The following KAT6A variants were observed in gnomAD, a reference collection of about 807,000 sequenced individuals.
KAT6A encodes the protein lysine acetyltransferase 6A.
Under a neutral mutation model 198.4 loss-of-function variants are expected in KAT6A, and 9 were observed. That is an observed-to-expected ratio of 0.05 (90% CI 0.03 to 0.08). The LOEUF (loss-of-function observed/expected upper bound fraction) is 0.08, where lower values mean the gene tolerates loss of function less well. KAT6A is among the 10% of genes least tolerant of loss of function. The pLI, the probability that KAT6A is intolerant of heterozygous loss-of-function variation, is 1.00. For missense variants in KAT6A, 2,077 were observed against 2,509.9 expected, an observed-to-expected ratio of 0.83 and a Z score of 3.69; for synonymous variants, 890 against 883.0, an observed-to-expected ratio of 1.01 and a Z score of -0.14.
At chr8:42,037,614 T>C (rs1047774100) in intron 2 of KAT6A, among the ~76,000 whole-genome samples, 3 of 151,684 alleles carry the variant, frequency 2.0e-5, no homozygotes, top group African/African-American at 2.4e-5. Context: ...ACAACACCTC[T>C]AGATCTGCGG....
At chr8:42,050,702 T>C (rs1032746347) in intron 1 of KAT6A, among the ~76,000 whole-genome samples, 1 of 152,192 alleles carries the variant, frequency 6.6e-6, no homozygotes, top group Admixed American at 6.5e-5. Context: ...AAGCTCATTA[T>C]ACAGATATTA....
intron 8 of KAT6A, among the ~76,000 whole-genome samples, chr8:41,967,001 G>A (rs929540955): frequency 6.6e-6 from 1 of 152,080 alleles, no homozygotes; most frequent in African/African-American, 2.4e-5. Context: ...TAAAGTTGTT[G>A]AAACTAGCTT....
At position 41,941,347 on chromosome 8, in the gene KAT6A, C is replaced by A; in HGVS notation, c.2534G>T (p.Arg845Leu). 1 of 1,612,992 alleles carries A rather than the reference C, an allele frequency of 6.2e-7. No individual in the cohort carries two copies. Among genetic ancestry groups the A allele is most frequent in the Non-Finnish European group, 8.5e-7 (1 of 1,180,008 alleles). Residue 845 changes from arginine to leucine, a missense_variant, in exon 15 of 17, where the codon CGT becomes CTT. Arg to Leu is a moderately radical substitution (Grantham distance 102). Transcript: ENST00000265713. The stretch of plus-strand genomic sequence containing the variant: ...ATGAGGAAGGACTTGTTTGCTCAAA[C>A]GTGTAGAACTGACTGGAGCCATAAC... ...PEVMAPVSST[R>L]LSKQVLPHDS...
intron 8 of KAT6A, among the ~76,000 whole-genome samples, chr8:41,970,048 T>G (rs1475900771): frequency 6.6e-6 from 1 of 152,228 alleles, no homozygotes; most frequent in Non-Finnish European, 1.5e-5. Flanking sequence ...GCATTCTCAT[T>G]TCCTTCCGAC....
intron 2 of KAT6A, among the ~76,000 whole-genome samples, chr8:42,006,048 C>CA (rs1368911454): frequency 1.3e-5 from 2 of 152,118 alleles, no homozygotes; most frequent in Admixed American, 6.5e-5. Context: ...CAGAAATAAA[C>CA]AAAGTTTCTG....
At chr8:42,010,906 C>A (rs899223774) in intron 2 of KAT6A, among the ~76,000 whole-genome samples, 1 of 152,108 alleles carries the variant, frequency 6.6e-6, no homozygotes, top group African/African-American at 2.4e-5. Context: ...GATACGAGTC[C>A]TAAAACACCA....
At chr8:42,008,672 T>TATCTACTAGATAGCA (rs1825863939) in intron 2 of KAT6A, among the ~76,000 whole-genome samples, 1 of 151,992 alleles carries the variant, frequency 6.6e-6, no homozygotes, top group Non-Finnish European at 1.5e-5. Flanking sequence ...TTAACACTGT[T>TATCTACTAGATAGCA]CTCAAGAACA....
intron 2 of KAT6A, among the ~76,000 whole-genome samples, chr8:42,027,240 T>C (rs1159085573): frequency 6.6e-6 from 1 of 152,208 alleles, no homozygotes; most frequent in Non-Finnish European, 1.5e-5. Flanking sequence ...TGTAGTTTTC[T>C]TTTGTTGTTG....
At chr8:41,943,382 T>G (rs1240952871) in intron 13 of KAT6A, among the ~76,000 whole-genome samples, 2 of 152,208 alleles carry the variant, frequency 1.3e-5, no homozygotes, top group Admixed American at 1.3e-4. Flanking sequence ...CAATCTATAT[T>G]TACTTTGTGC....
intron 9 of KAT6A, among the ~76,000 whole-genome samples, chr8:41,952,182 T>C (rs1822700462): frequency 6.6e-6 from 1 of 152,262 alleles, no homozygotes; most frequent in Admixed American, 6.5e-5. Flanking sequence ...GGATTCTATT[T>C]GGTTTCTTCT....
intron 9 of KAT6A, among the ~76,000 whole-genome samples, chr8:41,951,467 G>A (rs1035655195): frequency 6.6e-6 from 1 of 152,224 alleles, no homozygotes; most frequent in South Asian, 2.1e-4. Context: ...GAAATGAAAT[G>A]TAGTTATAAA....
chr8:41,932,452 T>C lies in KAT6A; in HGVS notation c.5768A>G (p.Asn1923Ser). The C allele has an allele frequency of 1.9e-6, 3 of 1,614,262 alleles. No individual in the cohort carries two copies. The highest frequency in any genetic ancestry group is 2.5e-6 in the Non-Finnish European group (3 of 1,180,044). ...SMNMNTLNAM[N>S]SYRMTQPMMN... ...CATGGGCTGTGTCATTCGATAGCTG[T>C]TCATGGCATTCAAGGTGTTCATATT... is the stretch of plus-strand genomic sequence containing the variant. The change falls in exon 17 of 17, where the codon AAC (asparagine) becomes AGC (serine). Residue 1923 changes from asparagine to serine, a missense_variant. Asn to Ser is a conservative substitution (Grantham distance 46, BLOSUM62 1). Around this residue, in one of 13 missense-constraint regions of KAT6A, gnomAD observed 500 missense variants for 577.2 expected, o/e 0.87. Coordinates refer to ENST00000265713, the MANE Select transcript of KAT6A (RefSeq NM_006766.5).
Position 42,031,038 on chromosome 8 carries a change from A to AAGGG in KAT6A, c.600+17339_600+17340insCCCT, listed in dbSNP as rs35595569. The stretch of plus-strand genomic sequence containing the variant: ...ATGCTGCCAAATGCAAAAAAAAAAA[A>AAGGG]GGGGGGGGGGACAGGAGAAATGTAT... On this transcript the variant is annotated intron_variant, in intron 2 of 16. Coordinates refer to ENST00000265713, the MANE Select transcript of KAT6A (RefSeq NM_006766.5). Among the ~76,000 whole-genome samples the AAGGG allele has an allele frequency of 5.3e-3, 603 of 113,320 alleles. 31 individuals carry two copies. Among genetic ancestry groups the AAGGG allele is most frequent in the African/African-American group, 0.021 (573 of 27,910 alleles). The allele number at this position is 113,320 out of a possible 152,430, so 74.3% of individuals were successfully genotyped here.
chr8:42,037,419 T>A (rs1006283326), intron 2 of KAT6A, among the ~76,000 whole-genome samples: 3 of 152,192 alleles, frequency 2.0e-5, no homozygotes, highest in African/African-American at 7.2e-5. Context: ...ATAATGTTTC[T>A]GAGAGTTCTG....
chr8:41,959,142 C>G (rs929834805), intron 8 of KAT6A, among the ~76,000 whole-genome samples: 1 of 115,396 alleles, frequency 8.7e-6, no homozygotes, highest in African/African-American at 3.6e-5. Context: ...GCCTGGGTGA[C>G]AGAGCCAGAC....
At chr8:41,936,890 G>A (rs1447545777) in intron 16 of KAT6A, among the ~76,000 whole-genome samples, 1 of 152,192 alleles carries the variant, frequency 6.6e-6, no homozygotes, top group Non-Finnish European at 1.5e-5. Flanking sequence ...GAGCAAAACA[G>A]ACTAAGTCTA....
chr8:41,950,176 T>C (rs1587731558), intron 9 of KAT6A, among the ~76,000 whole-genome samples: 1 of 152,214 alleles, frequency 6.6e-6, no homozygotes, highest in South Asian at 2.1e-4. Context: ...CAGTGTGTTG[T>C]TGGCTACTTT....
intron 8 of KAT6A, among the ~76,000 whole-genome samples, chr8:41,964,627 G>GAAAA (rs61710510): frequency 7.6e-6 from 1 of 130,914 alleles, no homozygotes; most frequent in Non-Finnish European, 1.7e-5. Flanking sequence ...TCCAAAATCT[G>GAAAA]AAAAAAAAAA....
intron 9 of KAT6A, among the ~76,000 whole-genome samples, chr8:41,952,561 T>C (rs1323544053): frequency 6.6e-6 from 1 of 152,230 alleles, no homozygotes; most frequent in Non-Finnish European, 1.5e-5. Flanking sequence ...TATCTGGATA[T>C]GAAAGAACAT....
Sources: gnomAD v4.1 joint callset for allele counts (sites outside exome capture counted in the v4.1 genomes callset) on GRCh38, gnomAD v4.1.1 for gene constraint, gnomAD v4.1.1 regional missense constraint, MANE v1.5 for transcripts, NCBI Gene and HGNC (gene_info 2026-07-23, HGNC 2026-07-21) for gene names.